ABCA12: variants seen among roughly 807,000 people sequenced by gnomAD.
ABCA12 encodes the protein glucosylceramide transporter ABCA12.
A neutral mutation model predicts 293.5 loss-of-function variants in ABCA12; 156 were observed. The observed-to-expected ratio is 0.53, with a 90% CI of 0.47 to 0.61. The LOEUF (loss-of-function observed/expected upper bound fraction) is 0.61. Among genes scored for constraint, ABCA12 ranks in the 20% least tolerant of loss-of-function variants. The pLI, the probability that ABCA12 is intolerant of heterozygous loss-of-function variation, is 0.00. For missense variants in ABCA12, 2,797 were observed against 3,090.2 expected, an observed-to-expected ratio of 0.91 and a Z score of 2.25; for synonymous variants, 1,063 against 1,108.0, an observed-to-expected ratio of 0.96 and a Z score of 0.81.
At position 214,947,554 on chromosome 2, in the gene ABCA12, A is replaced by G. The variant is rs1408244893; in HGVS notation, c.7107T>C (p.Thr2369=). Residue 2369 remains threonine, a splice_region_variant and synonymous_variant, in exon 48 of 53, where the codon ACT becomes ACC. Transcript: ENST00000272895. The part of the protein sequence containing the change: ...HGIPEKDIKE[T]VHKLLRRLHL... ...GAAGTCTCCTAAGGAGTTTATGAAC[A>G]GTCTGTAGGCAATAAAAGGGGAGTT... The G allele has an allele frequency of 5.0e-6, 8 of 1,613,736 alleles. No individual in the cohort carries two copies. In the East Asian group the frequency reaches 1.8e-4, roughly 36 times the overall value.
intron 17 of ABCA12, among the ~76,000 whole-genome samples, chr2:215,010,969 T>C (rs1700358805): frequency 6.6e-6 from 1 of 152,218 alleles, no homozygotes; most frequent in Non-Finnish European, 1.5e-5. Context: ...TAAATGGTTT[T>C]GATGTGCCAC....
intron 9 of ABCA12, chr2:215,029,406 C>T (rs1559155799): frequency 6.6e-6 from 1 of 152,256 alleles, no homozygotes; most frequent in Non-Finnish European, 1.5e-5. Flanking sequence ...TTCCTCTCCT[C>T]ACCTTTCCCC....
chr2:215,071,119 C>T (rs923209517), intron 2 of ABCA12, among the ~76,000 whole-genome samples: 3 of 151,572 alleles, frequency 2.0e-5, no homozygotes, highest in African/African-American at 2.4e-5. Flanking sequence ...ATCGCTTGAG[C>T]TCAGGAGTTC....
intron 15 of ABCA12, among the ~76,000 whole-genome samples, chr2:215,014,763 C>T (rs1222074386): frequency 6.6e-6 from 1 of 152,170 alleles, no homozygotes; most frequent in Admixed American, 6.5e-5. Context: ...GGCTATGTCT[C>T]AAAAATATGT....
At chr2:214,938,807 T>C (rs1174579339) in intron 50 of ABCA12, among the ~76,000 whole-genome samples, 1 of 152,138 alleles carries the variant, frequency 6.6e-6, no homozygotes, top group Non-Finnish European at 1.5e-5. Context: ...TGATGGGTTT[T>C]TTTTGTTTCT....
chr2:215,074,686 G>A (rs1039724099), intron 2 of ABCA12, among the ~76,000 whole-genome samples: 1 of 152,146 alleles, frequency 6.6e-6, no homozygotes, highest in Admixed American at 6.5e-5. Context: ...GCTCACGCCT[G>A]TAATCCCAGC....
chr2:214,980,568 T>C lies in ABCA12; in HGVS notation c.4655A>G (p.Gln1552Arg), dbSNP rs369985597. 7.4e-6 allele frequency: 12 copies of C among 1,613,916 alleles called. No individual in the cohort carries two copies. The highest frequency in any genetic ancestry group is 5.0e-5 in the Admixed American group (3 of 59,994). Residue 1552 changes from glutamine to arginine, a missense_variant, in exon 31 of 53, where the codon CAG becomes CGG. Physicochemically the swap from Gln to Arg is conservative, Grantham distance 43. Transcript: ENST00000272895. ...VLSDRIAFLE[Q>R]GGLRCCGSPF... is the part of the protein sequence containing the mutation. Reference sequence around the variant, plus strand: ...GGACCCACAGCACCTAAGCCCACCCTGCTCCAGGAAGGCGATGCGGTCACT... The same window carrying C: ...GGACCCACAGCACCTAAGCCCACCCCGCTCCAGGAAGGCGATGCGGTCACT...
Position 214,989,330 on chromosome 2 carries a change from T to C in ABCA12, c.3828A>G (p.Pro1276=). 1 of 1,613,126 alleles carries C rather than the reference T, an allele frequency of 6.2e-7. No individual in the cohort carries two copies. Among genetic ancestry groups the C allele is most frequent in the Non-Finnish European group, 8.5e-7 (1 of 1,179,782 alleles). The part of the protein sequence containing the change: ...LIAWYVRNVF[P]GTYGMAAPWY... ...TATCTGTAGGAAGCACATTCATACC[T>C]GGGAAGACATTCCTGACATACCAAG... Residue 1276 remains proline (P), a splice_region_variant and synonymous_variant, in exon 26 of 53, where the codon CCA becomes CCG. Coordinates refer to ENST00000272895, the MANE Select transcript of ABCA12 (RefSeq NM_173076.3).
intron 9 of ABCA12, 82 bp downstream of exon 9, chr2:215,031,739 A>G: frequency 1.3e-6 from 2 of 1,553,922 alleles, no homozygotes; most frequent in Non-Finnish European, 1.8e-6. Flanking sequence ...ATATACACTG[A>G]TAAGCGAATT....
intron 18 of ABCA12, among the ~76,000 whole-genome samples, chr2:215,009,546 G>C (rs1280473077): frequency 1.3e-5 from 2 of 151,942 alleles, no homozygotes; most frequent in African/African-American, 4.8e-5. Flanking sequence ...AACTACATAG[G>C]AATATATAGT....
At chr2:215,030,691 G>A (rs1015254177) in intron 9 of ABCA12, among the ~76,000 whole-genome samples, 1 of 152,142 alleles carries the variant, frequency 6.6e-6, no homozygotes, top group Non-Finnish European at 1.5e-5. Flanking sequence ...TCTGGGAGAA[G>A]CACCTGGGTC....
intron 1 of ABCA12, among the ~76,000 whole-genome samples, chr2:215,116,109 G>A (rs973437162): frequency 6.6e-6 from 1 of 152,170 alleles, no homozygotes; most frequent in East Asian, 1.9e-4. Flanking sequence ...TGAGCAAAAT[G>A]GGCATAAACT....
chr2:215,018,839 C>T (rs1233659371), intron 13 of ABCA12, among the ~76,000 whole-genome samples: 2 of 152,028 alleles, frequency 1.3e-5, no homozygotes, highest in African/African-American at 2.4e-5. Context: ...TGTGGCTGCC[C>T]GTTGTCCAAA....
chr2:215,109,011 G>A (rs1356688928), intron 2 of ABCA12, among the ~76,000 whole-genome samples: 4 of 151,410 alleles, frequency 2.6e-5, no homozygotes, highest in South Asian at 2.1e-4. Flanking sequence ...AGGTGGCAGC[G>A]AGCCGAGATC....
Position 214,932,137 on chromosome 2 carries a change from C to G in ABCA12, c.*497G>C, listed in dbSNP as rs976330417. The stretch of plus-strand genomic sequence containing the variant: ...TTGTGCCCACTGCTCTGCAAACGTT[C>G]ATTTGGCCCTTAGCAGTTCACACAT... On this transcript the variant is annotated 3_prime_UTR_variant, in exon 53 of 53. Transcript: ENST00000272895. 7 of 186,052 alleles carry G rather than the reference C, an allele frequency of 3.8e-5. No homozygotes were observed. The highest frequency in any genetic ancestry group is 6.8e-5 in the Non-Finnish European group (6 of 88,858). 11.5% of individuals were successfully genotyped at this position (186,052 alleles called of 1,614,324 possible).
intron 14 of ABCA12, among the ~76,000 whole-genome samples, chr2:215,016,259 G>T (rs1700495645): frequency 1.3e-5 from 2 of 151,462 alleles, no homozygotes; most frequent in Non-Finnish European, 2.9e-5. Flanking sequence ...CAAGTGGTTT[G>T]GAGTAAGTTT....
chr2:215,016,605 A>AAAAAAAAAAAAAAAAAG (rs1553534171), intron 14 of ABCA12, among the ~76,000 whole-genome samples: 2 of 139,186 alleles, frequency 1.4e-5, no homozygotes, highest in Non-Finnish European at 3.1e-5. Context: ...AAAAAAAAAA[A>AAAAAAAAAAAAAAAAAG]AAAAAAAAAG....
At chr2:215,103,495 C>G (rs1482098652) in intron 2 of ABCA12, among the ~76,000 whole-genome samples, 1 of 151,922 alleles carries the variant, frequency 6.6e-6, no homozygotes, top group African/African-American at 2.4e-5. Context: ...GTCTCGAACT[C>G]CTGACCTCAG....
chr2:214,974,196 C>A (rs1463497701), intron 35 of ABCA12, among the ~76,000 whole-genome samples, 154 bp from the exon 36 acceptor site: 3 of 152,154 alleles, frequency 2.0e-5, no homozygotes, highest in Non-Finnish European at 4.4e-5. Flanking sequence ...CATTGCTCCA[C>A]CATTTCCAAA....
Sources: gnomAD v4.1 joint callset for allele counts (sites outside exome capture counted in the v4.1 genomes callset) on GRCh38, gnomAD v4.1.1 for gene constraint, MANE v1.5 for transcripts, NCBI Gene and HGNC (gene_info 2026-07-23, HGNC 2026-07-21) for gene names.